Variants in CACNA2D2 observed in about 807,000 individuals in gnomAD.
CACNA2D2 encodes the protein voltage-dependent calcium channel subunit alpha-2/delta-2.
CACNA2D2 carries 48 observed loss-of-function variants against 166.4 expected under a neutral mutation model. That is an observed-to-expected ratio of 0.29 (90% CI 0.23 to 0.37). The LOEUF (loss-of-function observed/expected upper bound fraction) is 0.37. CACNA2D2 is among the 10% of genes least tolerant of loss of function. CACNA2D2 has a pLI of 1.00. For missense variants in CACNA2D2, 1,122 were observed against 1,433.0 expected (o/e 0.78, Z 3.50); for synonymous variants, 561 against 573.7 (o/e 0.98, Z 0.32).
At chr3:50,447,301 C>T (rs866023813) in intron 2 of CACNA2D2, among the ~76,000 whole-genome samples, 13 of 152,158 alleles carry the variant, frequency 8.5e-5, no homozygotes, top group East Asian at 1.9e-4. Context: ...TCTCCCCCAC[C>T]GCCCCCTTCT....
intron 1 of CACNA2D2, among the ~76,000 whole-genome samples, chr3:50,483,689 C>T (rs988032255): frequency 6.6e-6 from 1 of 152,186 alleles, no homozygotes; most frequent in African/African-American, 2.4e-5. Flanking sequence ...GCCCACTCGG[C>T]TCTGCTTCTT....
intron 3 of CACNA2D2, among the ~76,000 whole-genome samples, chr3:50,398,465 C>T (rs1368361282): frequency 9.2e-5 from 14 of 152,290 alleles, no homozygotes; most frequent in Admixed American, 8.5e-4. Flanking sequence ...TTATGGTAAC[C>T]TGGCCCTGGG....
chr3:50,491,473 A>G (rs1560002907), intron 1 of CACNA2D2, among the ~76,000 whole-genome samples: 1 of 152,170 alleles, frequency 6.6e-6, no homozygotes, highest in Non-Finnish European at 1.5e-5. Context: ...TTAAACAATT[A>G]AACATGCTGC....
intron 3 of CACNA2D2, among the ~76,000 whole-genome samples, chr3:50,412,140 G>T (rs933740955): frequency 1.3e-5 from 2 of 152,232 alleles, no homozygotes; most frequent in African/African-American, 4.8e-5. Flanking sequence ...CCCCGTCATT[G>T]TTACTCATAT....
At chr3:50,409,579 C>T (rs1340844752) in intron 3 of CACNA2D2, among the ~76,000 whole-genome samples, 2 of 152,264 alleles carry the variant, frequency 1.3e-5, no homozygotes, top group African/African-American at 4.8e-5. Flanking sequence ...GCTCATTAAT[C>T]CCTACAGCAG....
chr3:50,364,673 C>G lies in CACNA2D2; in HGVS notation c.3425G>C (p.Arg1142Pro). The G allele has an allele frequency of 6.6e-7, 1 of 1,525,166 alleles. No homozygotes were observed. 94.5% of individuals were successfully genotyped at this position (1,525,166 alleles called of 1,614,324 possible). Residue 1142 changes from arginine to proline, a missense_variant, in exon 38 of 38, where the codon CGC becomes CCC. Around this residue, in one of 2 missense-constraint regions of CACNA2D2, gnomAD observed 282 missense variants for 266.2 expected, o/e 1.06. Coordinates refer to ENST00000424201, the MANE Select transcript of CACNA2D2 (RefSeq NM_006030.4). The part of the protein sequence containing the change: ...QPQVLVHASR[R>P]L ...TGGGGTGGGGCAGGGTGCTCAGAGG[C>G]GGCGAGAGGCGTGGACGAGGACTTG...
intron 6 of CACNA2D2, 121 bp downstream of exon 6, chr3:50,384,075 T>G (rs1032854373): frequency 1.6e-6 from 2 of 1,214,768 alleles, no homozygotes; most frequent in Admixed American, 2.0e-5. Flanking sequence ...TAATCTCAGG[T>G]GTAGGAGGCT....
At chr3:50,432,590 C>T (rs530420409) in intron 3 of CACNA2D2, among the ~76,000 whole-genome samples, 7 of 152,274 alleles carry the variant, frequency 4.6e-5, no homozygotes, top group African/African-American at 1.4e-4. Context: ...AGGTGGGGCG[C>T]GATGCACTGG....
intron 22 of CACNA2D2, 69 bp downstream of exon 22, chr3:50,374,668 T>C (rs1704874306): frequency 6.5e-7 from 1 of 1,531,022 alleles, no homozygotes; most frequent in Admixed American, 2.0e-5. Context: ...CTGGCTATGC[T>C]GCCTGGGGCC....
Position 50,379,853 on chromosome 3 carries a change from G to T in CACNA2D2, c.894-29C>A. ...GAGAGGTCAGGCAGGGGACGTGGAG[G>T]AGCCAGGGGAACCTCACGTGTTCTC... On this transcript the variant is annotated intron_variant, in intron 9 of 37. Coordinates refer to ENST00000424201, the MANE Select transcript of CACNA2D2 (RefSeq NM_006030.4). The surrounding 1 kb of genome is among the most constrained non-coding windows in gnomAD (Gnocchi z 6.5). 2 of 1,612,750 alleles carry T rather than the reference G, an allele frequency of 1.2e-6. No individual in the cohort carries two copies.
At chr3:50,418,675 T>C (rs1203464647) in intron 3 of CACNA2D2, among the ~76,000 whole-genome samples, 3 of 152,158 alleles carry the variant, frequency 2.0e-5, no homozygotes, top group South Asian at 4.1e-4. Flanking sequence ...GGCCGCCTCT[T>C]CTCTGCGGCA....
chr3:50,493,078 C>G (rs1345620345), intron 1 of CACNA2D2, among the ~76,000 whole-genome samples: 2 of 152,172 alleles, frequency 1.3e-5, no homozygotes, highest in African/African-American at 4.8e-5. Flanking sequence ...TTTACAAACA[C>G]TTCCTTGGCA....
chr3:50,485,035 C>A (rs1206615750), intron 1 of CACNA2D2, among the ~76,000 whole-genome samples: 1 of 152,210 alleles, frequency 6.6e-6, no homozygotes, highest in Non-Finnish European at 1.5e-5. Flanking sequence ...ATGATGGGCC[C>A]GCCCAGGCCT....
intron 22 of CACNA2D2, among the ~76,000 whole-genome samples, chr3:50,371,345 C>CGT (rs1704645776): frequency 6.9e-6 from 1 of 144,408 alleles, no homozygotes; most frequent in Admixed American, 7.6e-5. Flanking sequence ...AGTGAGCATG[C>CGT]ATGTGTGTGT....
At chr3:50,436,522 A>G (rs1708358392) in intron 2 of CACNA2D2, among the ~76,000 whole-genome samples, 1 of 152,126 alleles carries the variant, frequency 6.6e-6, no homozygotes, top group African/African-American at 2.4e-5. Context: ...CCCACACCTC[A>G]GGGCACCAAC....
At chr3:50,418,466 T>C (rs1707373372) in intron 3 of CACNA2D2, among the ~76,000 whole-genome samples, 1 of 152,214 alleles carries the variant, frequency 6.6e-6, no homozygotes, top group Admixed American at 6.5e-5. Context: ...TCCTGGCTAA[T>C]TCTAATTTCA....
intron 1 of CACNA2D2, among the ~76,000 whole-genome samples, chr3:50,494,899 C>T (rs1698662317): frequency 6.6e-6 from 1 of 152,080 alleles, no homozygotes; most frequent in Non-Finnish European, 1.5e-5. Flanking sequence ...TGATCTTCAA[C>T]TCCTGGGCTC....
At chr3:50,443,133 C>T (rs567157168) in intron 2 of CACNA2D2, among the ~76,000 whole-genome samples, 2 of 152,204 alleles carry the variant, frequency 1.3e-5, no homozygotes, top group East Asian at 3.9e-4. Context: ...CCAGCTGGCA[C>T]GGGGGAGTGC....
In CACNA2D2 at chr3:50,378,017, C is replaced by T. The variant is rs1473437558; in HGVS notation, c.1470G>A (p.Glu490=). The T allele has an allele frequency of 1.2e-6, 2 of 1,613,560 alleles. No homozygotes were observed. Among genetic ancestry groups the T allele is most frequent in the South Asian group, 1.1e-5 (1 of 91,084 alleles). ...AKQVQWTNVY[E]DALGLGLVVT... Reference sequence around the variant, plus strand: ...TGTCCAGAGGCCTTACCAGTGCATCCTCATACACGTTGGTCCACTGCACCT... The same window carrying T: ...TGTCCAGAGGCCTTACCAGTGCATCTTCATACACGTTGGTCCACTGCACCT... The change falls in exon 15 of 38, where the codon GAG becomes GAA. Residue 490 remains glutamate, a synonymous_variant. Coordinates refer to ENST00000424201, the MANE Select transcript of CACNA2D2 (RefSeq NM_006030.4).
Sources: gnomAD v4.1 joint callset for allele counts (sites outside exome capture counted in the v4.1 genomes callset) on GRCh38, gnomAD v4.1.1 for gene constraint, gnomAD v4.1.1 regional missense constraint, Gnocchi (gnomAD v3.1) non-coding constraint, MANE v1.5 for transcripts, NCBI Gene and HGNC (gene_info 2026-07-23, HGNC 2026-07-21) for gene names.